KIF13A: variants seen among roughly 807,000 people sequenced by gnomAD.
The protein encoded by KIF13A is kinesin family member 13A, also known as kinesin-like protein KIF13A.
A neutral mutation model predicts 212.2 loss-of-function variants in KIF13A; 79 were observed. The ratio of observed to expected loss-of-function variants is 0.37; its 90% CI spans 0.31 to 0.45. KIF13A has a LOEUF of 0.45. Among genes scored for constraint, KIF13A ranks in the 20% least tolerant of loss-of-function variants. The probability of loss-of-function intolerance (pLI) is 1.00; values close to 1 mark genes in which losing one functional copy is unlikely to be tolerated. For missense variants in KIF13A, 1,901 were observed against 2,209.0 expected, an observed-to-expected ratio of 0.86 and a Z score of 2.79; for synonymous variants, 789 against 808.6, an observed-to-expected ratio of 0.98 and a Z score of 0.41.
intron 3 of KIF13A, among the ~76,000 whole-genome samples, chr6:17,885,716 G>A (rs929766417): frequency 1.3e-5 from 2 of 152,132 alleles, no homozygotes; most frequent in African/African-American, 4.8e-5. Flanking sequence ...CCAAAACCCA[G>A]ACCAATATTA....
rs957021436 is a variant in KIF13A, at chr6:17,789,179, T to C, written c.3261+693A>G. Among the ~76,000 whole-genome samples, 2 of 152,220 alleles carry C rather than the reference T, an allele frequency of 1.3e-5. No homozygotes were observed. Among genetic ancestry groups the C allele is most frequent in the African/African-American group, 4.8e-5 (2 of 41,458 alleles). On this transcript the variant is annotated intron_variant, in intron 26 of 38. Coordinates refer to ENST00000259711, the MANE Select transcript of KIF13A (RefSeq NM_022113.6). The surrounding 1 kb of genome is among the most constrained non-coding windows in gnomAD (Gnocchi z 4.8). ...GTACGTAACCCCACACTCCATGATA[T>C]CAGGCCAGTCAGTGCTGACTAGGTA...
chr6:17,794,182 AGAGGTCCCCCTGG>A lies in KIF13A; in HGVS notation c.3222+54_3222+66del. 1.6e-6 allele frequency: 2 copies of A among 1,240,668 alleles called. No homozygotes were observed. Among genetic ancestry groups the A allele is most frequent in the East Asian group, 4.7e-5 (2 of 42,406 alleles). The allele number at this position is 1,240,668 out of a possible 1,614,324, so 76.9% of individuals were successfully genotyped here. On this transcript the variant is annotated intron_variant, in intron 25 of 38. Transcript: ENST00000259711. This position sits in a 1 kb window ranked among gnomAD's most constrained non-coding sequence, Gnocchi z 4.1. ...GCAAAGAGTTCTGTTATATTGGCAA[AGAGGTCCCCCTGG>A]GACCTGCATTAACCAAGCTTTGTTA...
intron 2 of KIF13A, among the ~76,000 whole-genome samples, chr6:17,931,315 A>T (rs1230547476): frequency 6.6e-6 from 1 of 152,210 alleles, no homozygotes; most frequent in Non-Finnish European, 1.5e-5. Flanking sequence ...TGGATATCAA[A>T]CACAATTTGC....
rs1770079650 is a variant in KIF13A at position 17,872,221 on chromosome 6, A to G, written c.220+1156T>C. Among the ~76,000 whole-genome samples the G allele has an allele frequency of 6.6e-6, 1 of 152,222 alleles. No individual in the cohort carries two copies. The highest frequency in any genetic ancestry group is 1.5e-5 in the Non-Finnish European group (1 of 68,030). ...AAACAATTTCTCAAGTTTGCTTTAT[A>G]TGGCAAGGAAAAACCTATCAATAAA... On this transcript the variant is annotated intron_variant, in intron 4 of 38. Transcript: ENST00000259711. This position sits in a 1 kb window ranked among gnomAD's most constrained non-coding sequence, Gnocchi z 4.7.
At position 17,961,957 on chromosome 6, in the gene KIF13A, G is replaced by T. The variant is rs73373180; in HGVS notation, c.146+25097C>A. Among the ~76,000 whole-genome samples, 14,592 of 152,182 alleles carry T rather than the reference G, an allele frequency of 0.096. 877 individuals carry two copies. The highest frequency in any genetic ancestry group is 0.17 in the African/African-American group (7,082 of 41,496). On this transcript the variant is annotated intron_variant, in intron 2 of 38. Coordinates refer to ENST00000259711, the MANE Select transcript of KIF13A (RefSeq NM_022113.6). This position sits in a 1 kb window ranked among gnomAD's most constrained non-coding sequence, Gnocchi z 4.1. ...GACAATCAAGGTTTAATAGTTCAAC[G>T]GGCAATGGTTTTTCTTTTGTGTGGC...
intron 16 of KIF13A, among the ~76,000 whole-genome samples, chr6:17,822,211 T>TTTTGTATTTTTAAGA (rs1764524386): frequency 6.6e-6 from 1 of 151,872 alleles, no homozygotes; most frequent in Non-Finnish European, 1.5e-5. Context: ...CTGGCTAAAT[T>TTTTGTATTTTTAAGA]TTTGTATTTT....
At position 17,838,074 on chromosome 6, in the gene KIF13A, T is replaced by C. The variant is rs1289875752; in HGVS notation, c.831-491A>G. 2.0e-5 allele frequency among the ~76,000 whole-genome samples: 3 copies of C among 152,164 alleles called. No individual in the cohort carries two copies. The highest frequency in any genetic ancestry group is 6.5e-5 in the Admixed American group (1 of 15,270). On this transcript the variant is annotated intron_variant, in intron 9 of 38. Transcript: ENST00000259711. The surrounding 1 kb of genome is among the most constrained non-coding windows in gnomAD (Gnocchi z 4.2). ...GCTCACACCTGTAATCCCAGCACTT[T>C]GGGAGGCTGAGGCAGGTGGATCATG...
At position 17,837,652 on chromosome 6, in the gene KIF13A, C is replaced by T. The variant is rs1766093063; in HGVS notation, c.831-69G>A. The T allele has an allele frequency of 1.5e-5, 16 of 1,072,430 alleles. No homozygotes were observed. In the South Asian group the frequency reaches 2.0e-4, roughly 13 times the overall value. The allele number at this position is 1,072,430 out of a possible 1,614,324, so 66.4% of individuals were successfully genotyped here. A position where few individuals can be genotyped will look rare whatever the true frequency, so the allele number is the denominator to read the frequency against. On this transcript the variant is annotated intron_variant, in intron 9 of 38. Transcript: ENST00000259711. This position sits in a 1 kb window ranked among gnomAD's most constrained non-coding sequence, Gnocchi z 5.4. ...TGGTTTAAGTATAAAATATGCAGAA[C>T]AATAAAGCTCCACAGTTAATACACG...
chr6:17,981,459 T>A (rs1781077995), intron 2 of KIF13A, among the ~76,000 whole-genome samples: 1 of 148,744 alleles, frequency 6.7e-6, no homozygotes, highest in Non-Finnish European at 1.5e-5. Context: ...AGAGTCTCGC[T>A]CTGTCGCCAG....
At chr6:17,853,081 C>T (rs190864708) in intron 6 of KIF13A, among the ~76,000 whole-genome samples, 18 of 152,236 alleles carry the variant, frequency 1.2e-4, no homozygotes, top group Non-Finnish European at 2.9e-5. Context: ...CTTAGCATCA[C>T]CAATATATGG....
rs987364739 is a variant in KIF13A, at chr6:17,892,445, A to G, written c.159+5723T>C. 9.2e-5 allele frequency among the ~76,000 whole-genome samples: 14 copies of G among 152,224 alleles called. No individual in the cohort carries two copies. Among genetic ancestry groups the G allele is most frequent in the Admixed American group, 6.5e-5 (1 of 15,282 alleles). On this transcript the variant is annotated intron_variant, in intron 3 of 38. Coordinates refer to ENST00000259711, the MANE Select transcript of KIF13A (RefSeq NM_022113.6). The surrounding 1 kb of genome is among the most constrained non-coding windows in gnomAD (Gnocchi z 4.7). The stretch of plus-strand genomic sequence containing the variant: ...GGCAATAGAGACACTGAAGGTATCA[A>G]GGTCCAACCCTGACATCAAGGCCTG...
In KIF13A at chr6:17,777,441, T is replaced by C; in HGVS notation, c.4093-87A>G. On this transcript the variant is annotated intron_variant, in intron 33 of 38. Coordinates refer to ENST00000259711, the MANE Select transcript of KIF13A (RefSeq NM_022113.6). This position sits in a 1 kb window ranked among gnomAD's most constrained non-coding sequence, Gnocchi z 4.4. Reference sequence around the variant, plus strand: ...CTCTGTTGCCCAGGCTGGAGTGTAGTGATGCGATCTCTGCTCACTGCAACC... The same window carrying C: ...CTCTGTTGCCCAGGCTGGAGTGTAGCGATGCGATCTCTGCTCACTGCAACC... 1 of 1,100,818 alleles carries C rather than the reference T, an allele frequency of 9.1e-7. No homozygotes were observed. The highest frequency in any genetic ancestry group is 2.0e-5 in the Admixed American group (1 of 50,034). The allele number at this position is 1,100,818 out of a possible 1,614,324, so 68.2% of individuals were successfully genotyped here.
intron 2 of KIF13A, among the ~76,000 whole-genome samples, chr6:17,925,166 T>C (rs1775389058): frequency 6.6e-6 from 1 of 152,190 alleles, no homozygotes; most frequent in Non-Finnish European, 1.5e-5. Flanking sequence ...GCAGAAACAC[T>C]GAGGCAAGCG....
In KIF13A at chr6:17,808,821, C is replaced by A. The variant is rs370174871; in HGVS notation, c.2110G>T (p.Asp704Tyr). 9 of 1,613,736 alleles carry A rather than the reference C, an allele frequency of 5.6e-6. No individual in the cohort carries two copies. In the African/African-American group the frequency reaches 1.2e-4, roughly 22 times the overall value. The change falls in exon 18 of 39, where the codon GAT (aspartate) becomes TAT (tyrosine). Residue 704 changes from aspartate to tyrosine, a missense_variant. Asp to Tyr is a radical substitution (Grantham distance 160, BLOSUM62 -3). Around this residue, in one of 5 missense-constraint regions of KIF13A, gnomAD observed 534 missense variants for 536.9 expected, o/e 0.99. Transcript: ENST00000259711. ...GGGATCTGAAGAGTCACTTGGTAAT[C>A]GGTGAGTTTGCTCATTTCCTCAGCC... ...FLAEEMSKLT[D>Y]YQVTLQIPAA...
chr6:17,784,255 T>C (rs987490271), intron 28 of KIF13A, among the ~76,000 whole-genome samples: 1 of 150,388 alleles, frequency 6.6e-6, no homozygotes, highest in African/African-American at 2.4e-5. Flanking sequence ...TCTTGTCTTA[T>C]AAAAAAAAAC....
Position 17,888,594 on chromosome 6 carries a change from C to T in KIF13A, c.159+9574G>A, listed in dbSNP as rs1013787009. On this transcript the variant is annotated intron_variant, in intron 3 of 38. Transcript: ENST00000259711. This position sits in a 1 kb window ranked among gnomAD's most constrained non-coding sequence, Gnocchi z 4.8. ...ATCCCAGCACTTTGGGAGGCCAAAG[C>T]GGGCAGATCACTTGAGGCCGGGAGT... Among the ~76,000 whole-genome samples, 3 of 152,294 alleles carry T rather than the reference C, an allele frequency of 2.0e-5. No individual in the cohort carries two copies. Among genetic ancestry groups the T allele is most frequent in the South Asian group, 4.1e-4 (2 of 4,824 alleles).
At position 17,799,314 on chromosome 6, in the gene KIF13A, T is replaced by C; in HGVS notation, c.2742A>G (p.Ser914=). 1 of 1,613,600 alleles carries C rather than the reference T, an allele frequency of 6.2e-7. No homozygotes were observed. The highest frequency in any genetic ancestry group is 2.2e-5 in the East Asian group (1 of 44,876). Residue 914 remains serine (S), a synonymous_variant, in exon 22 of 39, where the codon TCA becomes TCG. Transcript: ENST00000259711. This position sits in a 1 kb window ranked among gnomAD's most constrained non-coding sequence, Gnocchi z 4.4. Reference sequence around the variant, plus strand: ...TGTACTGGGCATCCTTGGACTGTGGTGAAGGCACCTCGGGGTCCACCACCG... The same window carrying C: ...TGTACTGGGCATCCTTGGACTGTGGCGAAGGCACCTCGGGGTCCACCACCG... ...AAPVVDPEVP[S]PQSKDAQYTV...
chr6:17,880,859 A>G (rs1771001953), intron 3 of KIF13A, among the ~76,000 whole-genome samples: 1 of 151,954 alleles, frequency 6.6e-6, no homozygotes, highest in Non-Finnish European at 1.5e-5. Context: ...ACCCCAAGCA[A>G]TTCTCCCACC....
intron 16 of KIF13A, among the ~76,000 whole-genome samples, chr6:17,820,472 C>T (rs747868228): frequency 5.3e-5 from 8 of 152,102 alleles, no homozygotes; most frequent in African/African-American, 4.8e-5. Context: ...AAGTCTTTAC[C>T]CCACACACAG....
Sources: allele counts gnomAD v4.1 joint callset (sites outside exome capture counted in the v4.1 genomes callset), GRCh38; gene constraint gnomAD v4.1.1; regional missense constraint gnomAD v4.1.1; non-coding constraint Gnocchi (gnomAD v3.1); transcripts MANE v1.5; gene names NCBI Gene and HGNC (gene_info 2026-07-23, HGNC 2026-07-21).